The following DAGLB variants were observed in gnomAD, a reference collection of about 807,000 sequenced individuals.
DAGLB encodes the protein diacylglycerol lipase-beta.
A neutral mutation model predicts 72.1 loss-of-function variants in DAGLB; 66 were observed. The observed-to-expected ratio is 0.92, with a 90% confidence interval of 0.75 to 1.12. DAGLB has a LOEUF of 1.12. DAGLB is among the 50% of genes most tolerant of loss of function. The pLI, the probability that DAGLB is intolerant of heterozygous loss-of-function variation, is 0.00. For missense variants in DAGLB, 1,065 were observed against 884.9 expected (o/e 1.20, Z -2.58); for synonymous variants, 414 against 359.5 (o/e 1.15, Z -1.71).
In DAGLB at chr7:6,416,656, G is replaced by C; in HGVS notation, c.1398C>G (p.Tyr466Ter). The C allele has an allele frequency of 6.2e-7, 1 of 1,613,272 alleles. No individual in the cohort carries two copies. Among genetic ancestry groups the C allele is most frequent in the Middle Eastern group, 1.7e-4 (1 of 6,028 alleles). The change falls in exon 11 of 15, where the codon TAC (tyrosine) becomes TAG (stop). Residue 466 changes from tyrosine (Y) to a stop codon, truncating the protein, a stop_gained. Transcript: ENST00000297056. LOFTEE classifies it high-confidence loss of function. ...ACAGCCCCCGGGGTGGGGAGAAGGC[G>C]TAGCACCTGACCTGCGGGTAGGCGG... ...LRAAYPQVRC[Y>*]AFSPPRGLWS...
rs1427270720 is a variant in DAGLB at position 6,409,690 on chromosome 7, C to CA, written c.*146dup. The CA allele has an allele frequency of 3.1e-6, 3 of 954,790 alleles. No individual in the cohort carries two copies. In the Admixed American group the frequency reaches 8.4e-5, roughly 27 times the overall value. 59.1% of individuals were successfully genotyped at this position (954,790 alleles called of 1,614,324 possible). ...ACAATGACTTCCCATAAACTTAAGT[C>CA]ATTGAGACCATGGAATTCTGTTCCC... On this transcript the variant is annotated 3_prime_UTR_variant, in exon 15 of 15. Transcript: ENST00000297056.
intron 2 of DAGLB, among the ~76,000 whole-genome samples, chr7:6,444,327 C>T (rs930979263): frequency 2.0e-5 from 3 of 152,078 alleles, no homozygotes; most frequent in South Asian, 2.1e-4. Context: ...AGGGACCAGG[C>T]GCGGTGACTC....
chr7:6,445,692 G>A (rs943373397), intron 2 of DAGLB: 1 of 286,048 alleles, frequency 3.5e-6, no homozygotes, highest in Non-Finnish European at 6.6e-6. Flanking sequence ...CATGCTCCTG[G>A]CCTCAAGTGA....
chr7:6,427,208 G>A (rs1237776676), intron 6 of DAGLB, among the ~76,000 whole-genome samples: 2 of 152,196 alleles, frequency 1.3e-5, no homozygotes, highest in African/African-American at 4.8e-5. Flanking sequence ...TTTTGTAGTG[G>A]AACTGGGTAT....
intron 13 of DAGLB, among the ~76,000 whole-genome samples, chr7:6,411,977 G>GCAGTGGTA (rs1299480131): frequency 6.6e-6 from 1 of 151,924 alleles, no homozygotes; most frequent in East Asian, 1.9e-4. Context: ...AGGCTGGAGT[G>GCAGTGGTA]CGATCTTGGC....
intron 11 of DAGLB, among the ~76,000 whole-genome samples, chr7:6,414,442 A>G (rs1468201138): frequency 1.3e-5 from 2 of 151,770 alleles, no homozygotes; most frequent in South Asian, 2.1e-4. Context: ...CCTCCCGGGT[A>G]GCTGGGACCA....
rs1016220039 is a variant in DAGLB at position 6,434,638 on chromosome 7, AC to A, written c.678+123del. 245 of 1,487,348 alleles carry A rather than the reference AC, an allele frequency of 1.6e-4. 2 individuals are homozygous for A. The highest frequency in any genetic ancestry group is 1.6e-3 in the South Asian group (121 of 77,300). The allele number at this position is 1,487,348 out of a possible 1,614,324, so 92.1% of individuals were successfully genotyped here. A position where few individuals can be genotyped will look rare whatever the true frequency, so the allele number is the denominator to read the frequency against. The stretch of plus-strand genomic sequence containing the variant: ...CATCACAGACAGAGGGTCTCCGGCC[AC>A]CCCCCACACACCCAAAGACACCAGG... On this transcript the variant is annotated intron_variant, in intron 4 of 14. Transcript: ENST00000297056.
At chr7:6,446,148 G>T in intron 1 of DAGLB, 44 bp from the exon 2 acceptor site, 1 of 1,572,126 alleles carries the variant, frequency 6.4e-7, no homozygotes, top group South Asian at 1.2e-5. Flanking sequence ...GAAATCCAAG[G>T]AGCTGCTGTG....
At chr7:6,446,783 A>C (rs1785020716) in intron 1 of DAGLB, among the ~76,000 whole-genome samples, 1 of 152,076 alleles carries the variant, frequency 6.6e-6, no homozygotes, top group Non-Finnish European at 1.5e-5. Context: ...CCAAGGCAGG[A>C]GGATCACTTG....
At chr7:6,414,628 T>G (rs1411744377) in intron 11 of DAGLB, among the ~76,000 whole-genome samples, 1 of 152,084 alleles carries the variant, frequency 6.6e-6, no homozygotes, top group African/African-American at 2.4e-5. Context: ...CACTATACAC[T>G]ACAGTTACAT....
At chr7:6,425,444 G>A (rs11977783) in intron 7 of DAGLB, among the ~76,000 whole-genome samples, 17 of 152,092 alleles carry the variant, frequency 1.1e-4, no homozygotes, top group African/African-American at 4.1e-4. Context: ...GCTAATTTTT[G>A]TATTTTTAGT....
chr7:6,447,889 T>A lies in DAGLB; in HGVS notation c.-47A>T, dbSNP rs376124964. 8 of 1,551,770 alleles carry A rather than the reference T, an allele frequency of 5.2e-6. No homozygotes were observed. The African/African-American group carries it at 1.1e-4, about 21-fold the overall frequency. Reference sequence around the variant, plus strand: ...ACTCAGGAGAGACCCCGCGCGCCGTTCACCGAGAACAAACCAGCACCCTCC... The same window carrying A: ...ACTCAGGAGAGACCCCGCGCGCCGTACACCGAGAACAAACCAGCACCCTCC... On this transcript the variant is annotated 5_prime_UTR_variant, in exon 1 of 15. Transcript: ENST00000297056.
chr7:6,441,121 C>T (rs1163500141), intron 2 of DAGLB, among the ~76,000 whole-genome samples: 15 of 146,674 alleles, frequency 1.0e-4, no homozygotes, highest in African/African-American at 3.0e-4. Context: ...GATGGAGTCT[C>T]GCTCTGTCGC....
intron 4 of DAGLB, among the ~76,000 whole-genome samples, chr7:6,434,247 AAAC>A (rs1197109379): frequency 1.3e-5 from 2 of 152,192 alleles, no homozygotes; most frequent in African/African-American, 2.4e-5. Context: ...GAAAAAAAAA[AAAC>A]AAGCATTTTC....
intron 6 of DAGLB, among the ~76,000 whole-genome samples, chr7:6,427,063 G>C (rs533015350): frequency 6.6e-6 from 1 of 152,198 alleles, no homozygotes; most frequent in East Asian, 1.9e-4. Flanking sequence ...AACTGAGATC[G>C]CGCCACTGCA....
rs1785054944 is a variant in DAGLB, at chr7:6,447,694, G to GC, written c.95+53dup. 6 of 1,572,456 alleles carry GC rather than the reference G, an allele frequency of 3.8e-6. No individual in the cohort carries two copies. The East Asian group carries it at 7.0e-5, about 18-fold the overall frequency. ...CTGTCACCGTCTCAAGGGACAGCTCGCCCCCCGCTCCCTCTCCGGTGGGCT... is the reference window on the plus strand; with the variant it reads ...CTGTCACCGTCTCAAGGGACAGCTCGCCCCCCCGCTCCCTCTCCGGTGGGCT... On this transcript the variant is annotated intron_variant, in intron 1 of 14. Transcript: ENST00000297056.
rs879077640 is a variant in DAGLB at position 6,430,676 on chromosome 7, A to G, written c.802-69T>C. The G allele has an allele frequency of 3.1e-5, 43 of 1,391,770 alleles. No homozygotes were observed. The South Asian group carries it at 7.0e-4, about 23-fold the overall frequency. The allele number at this position is 1,391,770 out of a possible 1,614,324, so 86.2% of individuals were successfully genotyped here. ...TGACACAGAGGATCAACACACTGAG[A>G]CCTGAAACCTGAACTCATTCCTGAC... On this transcript the variant is annotated intron_variant, in intron 5 of 14. Transcript: ENST00000297056.
At chr7:6,413,369 G>A (rs1197291528) in intron 11 of DAGLB, among the ~76,000 whole-genome samples, 2 of 152,146 alleles carry the variant, frequency 1.3e-5, no homozygotes, top group African/African-American at 2.4e-5. Flanking sequence ...AGTGGCTCAC[G>A]CCTGTAATCC....
intron 7 of DAGLB, 99 bp downstream of exon 7, chr7:6,425,889 C>G: frequency 6.4e-7 from 1 of 1,559,378 alleles, no homozygotes; most frequent in Non-Finnish European, 8.7e-7. Context: ...GTTTGTGTGT[C>G]TATGAATTAC....
Sources: gnomAD v4.1 joint callset for allele counts (sites outside exome capture counted in the v4.1 genomes callset) on GRCh38, gnomAD v4.1.1 for gene constraint, MANE v1.5 for transcripts, NCBI Gene and HGNC (gene_info 2026-07-23, HGNC 2026-07-21) for gene names.